The following QRSL1 variants were observed in gnomAD, a reference collection of about 807,000 sequenced individuals.
The protein encoded by QRSL1 is glutamyl-tRNA(Gln) amidotransferase subunit A, mitochondrial.
A neutral mutation model predicts 61.6 loss-of-function variants in QRSL1; 54 were observed. The observed-to-expected ratio is 0.88, with a 90% confidence interval of 0.70 to 1.10. The LOEUF is 1.10. Ranked by LOEUF, QRSL1 falls within the 50% of genes least tolerant of loss-of-function variation. The probability of loss-of-function intolerance (pLI) is 0.00; values close to 1 mark genes in which losing one functional copy is unlikely to be tolerated. For missense variants in QRSL1, 505 were observed against 622.6 expected (o/e 0.81, Z 2.01); for synonymous variants, 228 against 225.7 (o/e 1.01, Z -0.09).
intron 9 of QRSL1, among the ~76,000 whole-genome samples, chr6:106,659,099 G>T (rs1312892829): frequency 6.6e-6 from 1 of 151,590 alleles, no homozygotes; most frequent in Non-Finnish European, 1.5e-5. Flanking sequence ...TTCTCTAGAA[G>T]TTCCATGTAG....
intron 9 of QRSL1, among the ~76,000 whole-genome samples, chr6:106,660,334 C>A (rs79923394): frequency 9.3e-5 from 14 of 150,920 alleles, no homozygotes; most frequent in East Asian, 2.0e-4. Context: ...CTCCCCACCC[C>A]CCCCGTGAAG....
At position 106,666,178 on chromosome 6, in the gene QRSL1, G is replaced by C. The variant is rs879587475; in HGVS notation, c.*176G>C. The C allele has an allele frequency of 1.4e-5, 8 of 586,696 alleles. No homozygotes were observed. The Admixed American group carries it at 2.4e-4, about 17-fold the overall frequency. The allele number at this position is 586,696 out of a possible 1,614,324, so 36.3% of individuals were successfully genotyped here. ...AATACAAAAATTAGCCAGGCTTAGTGGCGGGCATCTGTAGTCCCAGCTACT... is the reference window on the plus strand; with the variant it reads ...AATACAAAAATTAGCCAGGCTTAGTCGCGGGCATCTGTAGTCCCAGCTACT... On this transcript the variant is annotated 3_prime_UTR_variant, in exon 11 of 11. Transcript: ENST00000369046.
chr6:106,642,390 C>T lies in QRSL1; in HGVS notation c.284-604C>T, dbSNP rs1419045226. Reference sequence around the variant, plus strand: ...TTCTTACATATGATTTACATGTTCGCTGTTTTGTTTCCTATAAAAAGGTAA... The same window carrying T: ...TTCTTACATATGATTTACATGTTCGTTGTTTTGTTTCCTATAAAAAGGTAA... On this transcript the variant is annotated intron_variant, in intron 3 of 10. Coordinates refer to ENST00000369046, the MANE Select transcript of QRSL1 (RefSeq NM_018292.5). 4 of 455,944 alleles carry T rather than the reference C, an allele frequency of 8.8e-6. No homozygotes were observed. The Admixed American group carries it at 1.2e-4, about 13-fold the overall frequency. The allele number at this position is 455,944 out of a possible 1,614,324, so 28.2% of individuals were successfully genotyped here.
At chr6:106,660,247 GGA>G (rs1777335027) in intron 9 of QRSL1, among the ~76,000 whole-genome samples, 1 of 152,006 alleles carries the variant, frequency 6.6e-6, no homozygotes, top group South Asian at 2.1e-4. Flanking sequence ...CACCCAAGCC[GGA>G]GTGCATTGGC....
chr6:106,656,641 T>G (rs978876698), intron 9 of QRSL1, among the ~76,000 whole-genome samples: 6 of 152,192 alleles, frequency 3.9e-5, no homozygotes, highest in African/African-American at 1.4e-4. Flanking sequence ...GCGTATCCTC[T>G]CAGGGCCGAT....
At chr6:106,635,999 A>G (rs1391561455) in intron 1 of QRSL1, among the ~76,000 whole-genome samples, 3 of 152,240 alleles carry the variant, frequency 2.0e-5, no homozygotes, top group African/African-American at 7.2e-5. Context: ...ATAATTATAC[A>G]GGTTGAACAT....
At position 106,640,248 on chromosome 6, in the gene QRSL1, A is replaced by T. The variant is rs1776996032; in HGVS notation, c.25-101A>T. On this transcript the variant is annotated intron_variant, in intron 1 of 10. Coordinates refer to ENST00000369046, the MANE Select transcript of QRSL1 (RefSeq NM_018292.5). ...ATTTTGAACCCAAGCCTCACTTTAA[A>T]ATGTTATACTTAGCCACTCCATCTC... The T allele has an allele frequency of 3.2e-5, 33 of 1,047,460 alleles. No homozygotes were observed. In the South Asian group the frequency reaches 4.7e-4, roughly 15 times the overall value. 64.9% of individuals were successfully genotyped at this position (1,047,460 alleles called of 1,614,324 possible). A position where few individuals can be genotyped will look rare whatever the true frequency, so the allele number is the denominator to read the frequency against.
chr6:106,643,201 T>C (rs899954263), intron 4 of QRSL1, 111 bp downstream of exon 4: 2 of 725,678 alleles, frequency 2.8e-6, no homozygotes, highest in African/African-American at 1.8e-5. Context: ...TTAGTCCCTC[T>C]GTGAGATTAT....
chr6:106,640,272 T>TCCC, intron 1 of QRSL1, 77 bp from the exon 2 acceptor site: 12 of 1,342,384 alleles, frequency 8.9e-6, no homozygotes, highest in Middle Eastern at 3.7e-4. Context: ...CCACTCCATC[T>TCCC]CCCCCCACCC....
Position 106,655,533 on chromosome 6 carries a change from A to G in QRSL1, c.1043-82A>G, listed in dbSNP as rs534764040. On this transcript the variant is annotated intron_variant, in intron 8 of 10. Coordinates refer to ENST00000369046, the MANE Select transcript of QRSL1 (RefSeq NM_018292.5). The stretch of plus-strand genomic sequence containing the variant: ...CCATCTCAAAAAAAAAAAAAAAAAA[A>G]GTGAATCTAGGCCTGATTTTAGCCA... The G allele has an allele frequency of 3.1e-4, 239 of 778,896 alleles. No homozygotes were observed. In the African/African-American group the frequency reaches 4.0e-3, roughly 13 times the overall value. The allele number at this position is 778,896 out of a possible 1,614,324, so 48.2% of individuals were successfully genotyped here.
chr6:106,649,395 A>T (rs1777162294), intron 5 of QRSL1, among the ~76,000 whole-genome samples, 194 bp downstream of exon 5: 1 of 149,696 alleles, frequency 6.7e-6, no homozygotes, highest in African/African-American at 2.5e-5. Flanking sequence ...AATACTTTTA[A>T]CTTTAAAATA....
chr6:106,664,775 T>G (rs1036735791), intron 10 of QRSL1, among the ~76,000 whole-genome samples: 1 of 152,272 alleles, frequency 6.6e-6, no homozygotes, highest in Admixed American at 6.5e-5. Flanking sequence ...AGGAAGTAAC[T>G]GCTAGATGTT....
At chr6:106,656,891 G>A (rs958861738) in intron 9 of QRSL1, among the ~76,000 whole-genome samples, 1 of 152,114 alleles carries the variant, frequency 6.6e-6, no homozygotes, top group South Asian at 2.1e-4. Context: ...TCCTGGGTTC[G>A]AGCAATCCAC....
At chr6:106,661,192 C>A (rs964845064) in intron 9 of QRSL1, among the ~76,000 whole-genome samples, 7 of 152,040 alleles carry the variant, frequency 4.6e-5, no homozygotes, top group African/African-American at 1.7e-4. Flanking sequence ...CTCACTGCAT[C>A]CTCCACCTCC....
chr6:106,642,324 G>T, intron 3 of QRSL1: 1 of 294,980 alleles, frequency 3.4e-6, no homozygotes, highest in Non-Finnish European at 6.5e-6. Flanking sequence ...CCAAAGTTTT[G>T]GGATTACAGG....
chr6:106,658,513 C>T (rs560589536), intron 9 of QRSL1, among the ~76,000 whole-genome samples: 56 of 151,988 alleles, frequency 3.7e-4, no homozygotes, highest in East Asian at 1.4e-3. Flanking sequence ...ATAATCGCAC[C>T]GCTGCACTTA....
intron 1 of QRSL1, 49 bp from the exon 2 acceptor site, chr6:106,640,300 G>A: frequency 1.7e-6 from 2 of 1,160,606 alleles, no homozygotes; most frequent in Non-Finnish European, 2.4e-6. Context: ...TATAACAATT[G>A]AAACTTCTGC....
At chr6:106,634,075 T>C (rs952471836) in intron 1 of QRSL1, among the ~76,000 whole-genome samples, 39 of 152,266 alleles carry the variant, frequency 2.6e-4, no homozygotes, top group African/African-American at 8.7e-4. Flanking sequence ...TCAGGGAAGA[T>C]TTCTCTGATT....
At chr6:106,639,188 C>T (rs112925176) in intron 1 of QRSL1, among the ~76,000 whole-genome samples, 12,586 of 141,032 alleles carry the variant, frequency 0.089, 689 homozygotes, top group African/African-American at 0.15. Flanking sequence ...TGCAGTGGCG[C>T]GATCTTGGCT....
Sources: gnomAD v4.1 joint callset for allele counts (sites outside exome capture counted in the v4.1 genomes callset) on GRCh38, gnomAD v4.1.1 for gene constraint, MANE v1.5 for transcripts, NCBI Gene and HGNC (gene_info 2026-07-23, HGNC 2026-07-21) for gene names.